The following CELSR1 variants were observed in gnomAD, a reference collection of about 807,000 sequenced individuals.
The protein encoded by CELSR1 is adhesion G protein-coupled receptor C1.
A neutral mutation model predicts 249.1 loss-of-function variants in CELSR1; 110 were observed. The ratio of observed to expected loss-of-function variants is 0.44; its 90% CI spans 0.38 to 0.52. The LOEUF is 0.52. CELSR1 is among the 20% of genes least tolerant of loss of function. The pLI, the probability that CELSR1 is intolerant of heterozygous loss-of-function variation, is 0.00. For missense variants in CELSR1, 4,109 were observed against 4,296.4 expected (o/e 0.96, Z 1.22); for synonymous variants, 2,113 against 1,900.0 (o/e 1.11, Z -2.92).
intron 26 of CELSR1, among the ~76,000 whole-genome samples, 159 bp downstream of exon 26, chr22:46,369,533 C>T (rs2078827157): frequency 6.6e-6 from 1 of 152,236 alleles, no homozygotes; most frequent in Non-Finnish European, 1.5e-5. Flanking sequence ...AGGGTGAGGT[C>T]CGGGAGGGCC....
In CELSR1 at chr22:46,454,426, TGCAC is replaced by T. The variant is rs1039573853; in HGVS notation, c.4183+9277_4183+9280del. On this transcript the variant is annotated intron_variant, in intron 2 of 34. Coordinates refer to ENST00000674500, the MANE Select transcript of CELSR1 (RefSeq NM_001378328.1). The surrounding 1 kb of genome is among the most constrained non-coding windows in gnomAD (Gnocchi z 5.1). ...CTCTGCAGAAGCAGCATCCCTCCAG[TGCAC>T]GCACAGACGCCCATGACCCGCAGCC... Among the ~76,000 whole-genome samples the T allele has an allele frequency of 6.6e-6, 1 of 152,204 alleles. No individual in the cohort carries two copies. The highest frequency in any genetic ancestry group is 2.4e-5 in the African/African-American group (1 of 41,442).
At chr22:46,378,455 G>A in intron 23 of CELSR1, 136 bp downstream of exon 23, 4 of 881,816 alleles carry the variant, frequency 4.5e-6, no homozygotes, top group Non-Finnish European at 7.0e-6. Flanking sequence ...GATTTAGTTT[G>A]AGGAGGGGAC....
Position 46,535,545 on chromosome 22 carries a change from G to A in CELSR1, c.1626C>T (p.Pro542=), listed in dbSNP as rs1305698986. 1 of 1,613,210 alleles carries A rather than the reference G, an allele frequency of 6.2e-7. No individual in the cohort carries two copies. The highest frequency in any genetic ancestry group is 8.5e-7 in the Non-Finnish European group (1 of 1,180,038). Residue 542 remains proline (P), a synonymous_variant, in exon 1 of 35, where the codon CCC becomes CCT. Transcript: ENST00000674500. ...CCACCCCTGAAGAATTGATGAGCGGGGGCCGGCCCCCATCCTGGGCCTTAA... is the reference window on the plus strand; with the variant it reads ...CCACCCCTGAAGAATTGATGAGCGGAGGCCGGCCCCCATCCTGGGCCTTAA... ...LSIKAQDGGR[P]PLINSSGVVS... is the part of the protein sequence containing the mutation.
intron 1 of CELSR1, among the ~76,000 whole-genome samples, chr22:46,487,794 C>G (rs1171450878): frequency 1.6e-5 from 2 of 123,374 alleles, no homozygotes; most frequent in South Asian, 5.7e-4. Context: ...AGGATACTGA[C>G]GGAAGTAGAG....
intron 2 of CELSR1, among the ~76,000 whole-genome samples, chr22:46,460,215 A>ACC (rs1555922673): frequency 1.4e-5 from 2 of 139,668 alleles, no homozygotes; most frequent in African/African-American, 5.5e-5. Flanking sequence ...ACACACACAC[A>ACC]CCCATTAGCT....
At chr22:46,377,744 G>A (rs1033118144) in intron 23 of CELSR1, 1 of 179,962 alleles carries the variant, frequency 5.6e-6, no homozygotes, top group African/African-American at 2.4e-5. Context: ...CATGAGACAG[G>A]GGCAGAGGCG....
At chr22:46,443,236 G>A (rs909321230) in intron 2 of CELSR1, among the ~76,000 whole-genome samples, 1 of 152,196 alleles carries the variant, frequency 6.6e-6, no homozygotes, top group Non-Finnish European at 1.5e-5. Context: ...CGGCCTCCAC[G>A]CCAGTAACCC....
At chr22:46,418,924 C>G (rs924756832) in intron 5 of CELSR1, among the ~76,000 whole-genome samples, 1 of 152,244 alleles carries the variant, frequency 6.6e-6, no homozygotes, top group South Asian at 2.1e-4. Flanking sequence ...TTTGGAAACA[C>G]AAGAACCGTG....
chr22:46,362,433 C>T lies in CELSR1; in HGVS notation c.*790G>A, dbSNP rs113020508. On this transcript the variant is annotated 3_prime_UTR_variant, in exon 35 of 35. Transcript: ENST00000674500. Reference sequence around the variant, plus strand: ...AGCGAACACTGGGGACCCAGGGGGCCGGCGGGGAGGGCCCACACCATCCTC... The same window carrying T: ...AGCGAACACTGGGGACCCAGGGGGCTGGCGGGGAGGGCCCACACCATCCTC... 9.0e-4 allele frequency: 138 copies of T among 152,706 alleles called. 1 individual carries two copies. The highest frequency in any genetic ancestry group is 2.7e-3 in the African/African-American group (112 of 41,564). 9.5% of individuals were successfully genotyped at this position (152,706 alleles called of 1,614,324 possible).
Position 46,384,532 on chromosome 22 carries a change from A to G in CELSR1, c.6883+11T>C. 1 of 1,590,540 alleles carries G rather than the reference A, an allele frequency of 6.3e-7. No homozygotes were observed. Among genetic ancestry groups the G allele is most frequent in the Non-Finnish European group, 8.6e-7 (1 of 1,168,368 alleles). ...CTCCGAGGGCAGCAGCAGGTTTCTA[A>G]GCGGTTTTACCTTTTTCTTCAGGTG... On this transcript the variant is annotated intron_variant, in intron 20 of 34. Transcript: ENST00000674500.
chr22:46,498,611 C>CAA (rs35803268), intron 1 of CELSR1, among the ~76,000 whole-genome samples: 4 of 109,098 alleles, frequency 3.7e-5, no homozygotes, highest in East Asian at 2.9e-4. Context: ...GACTCTGTCT[C>CAA]AAAAAAAAAA....
In CELSR1 at chr22:46,447,846, C is replaced by G. The variant is rs569501610; in HGVS notation, c.4184-8435G>C. Among the ~76,000 whole-genome samples the G allele has an allele frequency of 3.7e-4, 56 of 152,338 alleles. No homozygotes were observed. Among genetic ancestry groups the G allele is most frequent in the African/African-American group, 1.3e-3 (52 of 41,576 alleles). The stretch of plus-strand genomic sequence containing the variant: ...TGTTGGCCAGGCTGGTCTCGAACTC[C>G]TGACCTCAGGTGATCTGCTCGCCTT... On this transcript the variant is annotated intron_variant, in intron 2 of 34. Transcript: ENST00000674500. This position sits in a 1 kb window ranked among gnomAD's most constrained non-coding sequence, Gnocchi z 4.7.
rs2079145114 is a variant in CELSR1 at position 46,396,128 on chromosome 22, C to G, written c.5843+477G>C. Among the ~76,000 whole-genome samples the G allele has an allele frequency of 6.6e-6, 1 of 152,118 alleles. No homozygotes were observed. The highest frequency in any genetic ancestry group is 6.6e-5 in the Admixed American group (1 of 15,264). On this transcript the variant is annotated intron_variant, in intron 13 of 34. Coordinates refer to ENST00000674500, the MANE Select transcript of CELSR1 (RefSeq NM_001378328.1). This position sits in a 1 kb window ranked among gnomAD's most constrained non-coding sequence, Gnocchi z 6.4. ...GACGTCCAAATTGATTCTCATTGCCCAAGCGTGGTGGCTCACACCCGTAAT... is the reference window on the plus strand; with the variant it reads ...GACGTCCAAATTGATTCTCATTGCCGAAGCGTGGTGGCTCACACCCGTAAT...
At position 46,512,633 on chromosome 22, in the gene CELSR1, A is replaced by C. The variant is rs1339434847; in HGVS notation, c.3544+20994T>G. On this transcript the variant is annotated intron_variant, in intron 1 of 34. Coordinates refer to ENST00000674500, the MANE Select transcript of CELSR1 (RefSeq NM_001378328.1). The surrounding 1 kb of genome is among the most constrained non-coding windows in gnomAD (Gnocchi z 5.2). ...TGCCTTGACATCTGCTGAAGCCAGG[A>C]GGCCTCAAATGGCCTCACCACAGGT... Among the ~76,000 whole-genome samples, 1 of 152,172 alleles carries C rather than the reference A, an allele frequency of 6.6e-6. No individual in the cohort carries two copies. The highest frequency in any genetic ancestry group is 1.5e-5 in the Non-Finnish European group (1 of 68,028).
At chr22:46,520,884 T>G (rs12160170) in intron 1 of CELSR1, among the ~76,000 whole-genome samples, 2,642 of 152,186 alleles carry the variant, frequency 0.017, 86 homozygotes, top group African/African-American at 0.06. Context: ...TAAACGCAAC[T>G]CCTGTCCCCT....
rs904884481 is a variant in CELSR1 at position 46,401,609 on chromosome 22, G to A, written c.5227-1707C>T. Reference sequence around the variant, plus strand: ...CAGCCCTATCAGCAGGTGGTACGACGCTCCATCAGTCGCCTGTGACCTAGA... The same window carrying A: ...CAGCCCTATCAGCAGGTGGTACGACACTCCATCAGTCGCCTGTGACCTAGA... On this transcript the variant is annotated intron_variant, in intron 9 of 34. Coordinates refer to ENST00000674500, the MANE Select transcript of CELSR1 (RefSeq NM_001378328.1). This position sits in a 1 kb window ranked among gnomAD's most constrained non-coding sequence, Gnocchi z 4.7. Among the ~76,000 whole-genome samples the A allele has an allele frequency of 1.3e-5, 2 of 152,174 alleles. No individual in the cohort carries two copies. The highest frequency in any genetic ancestry group is 6.5e-5 in the Admixed American group (1 of 15,272).
rs771086090 is a variant in CELSR1, at chr22:46,384,581, G to A, written c.6845C>T (p.Ser2282Phe). 5.6e-6 allele frequency: 9 copies of A among 1,613,494 alleles called. No homozygotes were observed. Among genetic ancestry groups the A allele is most frequent in the African/African-American group, 1.3e-5 (1 of 75,024 alleles). ...EFPRELESSV[S>F]FPADFFRPPE... ...TGGTCTGAAGAAGTCGGCTGGGAAG[G>A]AGACGGAGGACTCCAGCTCCCTGGG... The change falls in exon 20 of 35, where the codon TCC becomes TTC. Residue 2282 changes from serine (S) to phenylalanine (F), a missense_variant. Ser to Phe is a radical substitution (Grantham distance 155, BLOSUM62 -2). Transcript: ENST00000674500.
intron 18 of CELSR1, 101 bp from the exon 19 acceptor site, chr22:46,386,686 T>C: frequency 1.1e-6 from 1 of 910,074 alleles, no homozygotes; most frequent in African/African-American, 1.7e-5. Context: ...AGTGGGCTCA[T>C]TCATTCATTC....
intron 5 of CELSR1, among the ~76,000 whole-genome samples, chr22:46,424,035 T>A (rs2079510067): frequency 6.6e-6 from 1 of 152,042 alleles, no homozygotes; most frequent in Non-Finnish European, 1.5e-5. Context: ...CAGAAAAACA[T>A]ATGTATATAC....
Sources: allele counts gnomAD v4.1 joint callset (sites outside exome capture counted in the v4.1 genomes callset), GRCh38; gene constraint gnomAD v4.1.1; non-coding constraint Gnocchi (gnomAD v3.1); transcripts MANE v1.5; gene names NCBI Gene and HGNC (gene_info 2026-07-23, HGNC 2026-07-21).